Variants in GRM8 observed in about 807,000 individuals in gnomAD.
GRM8 encodes the protein glutamate metabotropic receptor 8.
In GRM8, 47 loss-of-function variants were observed where a neutral mutation model predicts 87.2. The observed-to-expected ratio is 0.54, with a 90% confidence interval of 0.43 to 0.69. The LOEUF (loss-of-function observed/expected upper bound fraction) is 0.69. GRM8 is among the 30% of genes least tolerant of loss of function. The pLI is 0.00. For synonymous variants in GRM8, 396 were observed against 404.5 expected, an observed-to-expected ratio of 0.98 and a Z score of 0.25; for missense variants, 1,019 against 1,139.2, an observed-to-expected ratio of 0.89 and a Z score of 1.52.
intron 8 of GRM8, among the ~76,000 whole-genome samples, chr7:126,584,566 C>A (rs914592290): frequency 2.0e-5 from 3 of 152,178 alleles, no homozygotes; most frequent in African/African-American, 7.2e-5. Context: ...ATTTAATTTT[C>A]TTTTCATGAG....
intron 7 of GRM8, among the ~76,000 whole-genome samples, chr7:126,708,041 A>G (rs923494305): frequency 6.6e-6 from 1 of 152,200 alleles, no homozygotes; most frequent in Non-Finnish European, 1.5e-5. Context: ...AAATAGTAAG[A>G]AAATGAAGAA....
At chr7:126,814,983 A>G (rs902460758) in intron 6 of GRM8, among the ~76,000 whole-genome samples, 1 of 152,110 alleles carries the variant, frequency 6.6e-6, no homozygotes, top group Non-Finnish European at 1.5e-5. Context: ...TACCAGAAAA[A>G]GAACCAATTC....
At chr7:127,015,152 A>AAGAAGAAGG (rs1815437303) in intron 3 of GRM8, among the ~76,000 whole-genome samples, 1 of 70,016 alleles carries the variant, frequency 1.4e-5, no homozygotes, top group African/African-American at 7.0e-5. Flanking sequence ...AGGAAGAAGG[A>AAGAAGAAGG]AGAAGGAGAA....
intron 7 of GRM8, among the ~76,000 whole-genome samples, chr7:126,729,430 T>G (rs1456316885): frequency 6.6e-6 from 1 of 152,178 alleles, no homozygotes; most frequent in Non-Finnish European, 1.5e-5. Context: ...GTGGAAAAAT[T>G]AAGGCCATGT....
At chr7:126,880,416 GA>G (rs1254262722) in intron 6 of GRM8, among the ~76,000 whole-genome samples, 2 of 152,112 alleles carry the variant, frequency 1.3e-5, no homozygotes, top group Non-Finnish European at 2.9e-5. Context: ...AAAAATTAAG[GA>G]TCTGAAATAT....
rs1293990931 is a variant in GRM8, at chr7:126,901,592, T to G, written c.1156+950A>C. 3.3e-5 allele frequency among the ~76,000 whole-genome samples: 5 copies of G among 152,294 alleles called. No individual in the cohort carries two copies. The East Asian group carries it at 9.6e-4, about 29-fold the overall frequency. ...TCTGTTTATATGTCTGTGCTAGCTT[T>G]TAGTATATTACATCTTTTATTTGAA... On this transcript the variant is annotated intron_variant, in intron 6 of 10. Coordinates refer to ENST00000339582, the MANE Select transcript of GRM8 (RefSeq NM_000845.3).
intron 8 of GRM8, among the ~76,000 whole-genome samples, chr7:126,547,960 G>C (rs1361462624): frequency 6.6e-6 from 1 of 151,880 alleles, no homozygotes; most frequent in African/African-American, 2.4e-5. Context: ...AAGAGGGGGA[G>C]TTGGCTACAG....
intron 6 of GRM8, among the ~76,000 whole-genome samples, chr7:126,775,218 G>C (rs1024727683): frequency 6.6e-6 from 1 of 152,128 alleles, no homozygotes. Context: ...GAATGGTAGA[G>C]GAAGAAGGGA....
chr7:126,630,204 G>C (rs1473739917), intron 7 of GRM8, among the ~76,000 whole-genome samples: 1 of 151,132 alleles, frequency 6.6e-6, no homozygotes, highest in Non-Finnish European at 1.5e-5. Flanking sequence ...ATTAGTCAAA[G>C]AAAAAATTAA....
rs566149536 is a variant in GRM8 at position 126,901,579 on chromosome 7, T to C, written c.1156+963A>G. Among the ~76,000 whole-genome samples the C allele has an allele frequency of 2.0e-5, 3 of 152,240 alleles. No homozygotes were observed. The South Asian group carries it at 6.2e-4, about 32-fold the overall frequency. The stretch of plus-strand genomic sequence containing the variant: ...TCCTTGTTCTGTCTCTGTTTATATG[T>C]CTGTGCTAGCTTTTAGTATATTACA... On this transcript the variant is annotated intron_variant, in intron 6 of 10. Transcript: ENST00000339582.
chr7:126,902,407 G>C, intron 6 of GRM8, 135 bp downstream of exon 6: 1 of 715,154 alleles, frequency 1.4e-6, no homozygotes, highest in Non-Finnish European at 2.2e-6. Flanking sequence ...GCTCAGCCCT[G>C]AGACACTATA....
At position 126,956,146 on chromosome 7, in the gene GRM8, A is replaced by G. The variant is rs1292091206; in HGVS notation, c.728-51463T>C. Among the ~76,000 whole-genome samples, 4 of 152,322 alleles carry G rather than the reference A, an allele frequency of 2.6e-5. No homozygotes were observed. In the East Asian group the frequency reaches 5.8e-4, roughly 22 times the overall value. ...TAAAGCTTTGGGAACAAAAATGTATATGTAAAATATTTTAATCTATGTTTA... is the reference window on the plus strand; with the variant it reads ...TAAAGCTTTGGGAACAAAAATGTATGTGTAAAATATTTTAATCTATGTTTA... On this transcript the variant is annotated intron_variant, in intron 3 of 10. Coordinates refer to ENST00000339582, the MANE Select transcript of GRM8 (RefSeq NM_000845.3).
chr7:127,202,107 T>C (rs1253031702), intron 2 of GRM8, among the ~76,000 whole-genome samples: 1 of 152,120 alleles, frequency 6.6e-6, no homozygotes, highest in Admixed American at 6.5e-5. Flanking sequence ...CTTGTGTATG[T>C]GATTATACTT....
At chr7:127,134,705 G>C (rs779137482) in intron 2 of GRM8, among the ~76,000 whole-genome samples, 12 of 152,100 alleles carry the variant, frequency 7.9e-5, no homozygotes, top group Non-Finnish European at 1.3e-4. Context: ...CATATTTCCT[G>C]GTCTGTTAAC....
intron 7 of GRM8, among the ~76,000 whole-genome samples, chr7:126,663,070 C>T (rs1178443278): frequency 6.6e-6 from 1 of 152,210 alleles, no homozygotes; most frequent in African/African-American, 2.4e-5. Context: ...GCCTTTCTGG[C>T]ATAGCTATTA....
At position 127,090,036 on chromosome 7, in the gene GRM8, C is replaced by A. The variant is rs1041565902; in HGVS notation, c.727+16460G>T. Among the ~76,000 whole-genome samples, 6 of 152,268 alleles carry A rather than the reference C, an allele frequency of 3.9e-5. No individual in the cohort carries two copies. In the South Asian group the frequency reaches 1.2e-3, roughly 32 times the overall value. On this transcript the variant is annotated intron_variant, in intron 3 of 10. Coordinates refer to ENST00000339582, the MANE Select transcript of GRM8 (RefSeq NM_000845.3). ...AGATCCCCACAGCATCAAGTGATTCCCATCCTCCATGCCTGGGACCTTGTG... is the reference window on the plus strand; with the variant it reads ...AGATCCCCACAGCATCAAGTGATTCACATCCTCCATGCCTGGGACCTTGTG...
At chr7:126,749,799 G>A (rs1816201330) in intron 7 of GRM8, among the ~76,000 whole-genome samples, 1 of 151,976 alleles carries the variant, frequency 6.6e-6, no homozygotes, top group South Asian at 2.1e-4. Context: ...ATACACTCAC[G>A]AAAATAGCTA....
chr7:127,186,212 T>C (rs1447441782), intron 2 of GRM8, among the ~76,000 whole-genome samples: 3 of 152,192 alleles, frequency 2.0e-5, no homozygotes, highest in East Asian at 1.9e-4. Context: ...TATTTAACTA[T>C]TAATGTCTTG....
In GRM8 at chr7:126,728,399, GAAGAA is replaced by G. The variant is rs138133711; in HGVS notation, c.1357+41461_1357+41465del. Among the ~76,000 whole-genome samples, 1,063 of 152,204 alleles carry G rather than the reference GAAGAA, an allele frequency of 7.0e-3. 12 individuals carry two copies. Among genetic ancestry groups the G allele is most frequent in the South Asian group, 0.036 (173 of 4,818 alleles). On this transcript the variant is annotated intron_variant, in intron 7 of 10. Coordinates refer to ENST00000339582, the MANE Select transcript of GRM8 (RefSeq NM_000845.3). Reference sequence around the variant, plus strand: ...AGCTGGCTGGCTCACAGCGGGAGTAGAAGAAAAGATCCCATTGCAGAGCAGTAATG... The same window carrying G: ...AGCTGGCTGGCTCACAGCGGGAGTAGAAGATCCCATTGCAGAGCAGTAATG...
Sources: gnomAD v4.1 joint callset for allele counts (sites outside exome capture counted in the v4.1 genomes callset) on GRCh38, gnomAD v4.1.1 for gene constraint, MANE v1.5 for transcripts, NCBI Gene and HGNC (gene_info 2026-07-23, HGNC 2026-07-21) for gene names.